SOCS5: variants seen among roughly 807,000 people sequenced by gnomAD.
The protein encoded by SOCS5 is CIS-6.
SOCS5 carries 32 observed loss-of-function variants against 42.8 expected under a neutral mutation model. That is an observed-to-expected ratio of 0.75 (90% CI 0.56 to 1.01). SOCS5 has a LOEUF of 1.01. SOCS5 is among the 50% of genes least tolerant of loss of function. SOCS5 has a pLI of 0.00. For synonymous variants in SOCS5, 283 were observed against 229.6 expected, an observed-to-expected ratio of 1.23 and a Z score of -2.10; for missense variants, 627 against 653.0, an observed-to-expected ratio of 0.96 and a Z score of 0.43.
intron 1 of SOCS5, among the ~76,000 whole-genome samples, chr2:46,721,183 G>T (rs777901285): frequency 2.1e-4 from 32 of 152,116 alleles, no homozygotes; most frequent in Admixed American, 7.9e-4. Context: ...CCATGGAAGA[G>T]ATTTATATGG....
chr2:46,739,585 T>C (rs767861884), intron 1 of SOCS5, among the ~76,000 whole-genome samples: 2 of 152,152 alleles, frequency 1.3e-5, no homozygotes, highest in Non-Finnish European at 2.9e-5. Context: ...AAATAGAATA[T>C]TGCCAGTGAA....
chr2:46,718,360 T>C (rs1475075027), intron 1 of SOCS5, among the ~76,000 whole-genome samples: 1 of 152,248 alleles, frequency 6.6e-6, no homozygotes, highest in African/African-American at 2.4e-5. Flanking sequence ...TTACAGTTTT[T>C]GGTATATTAT....
At chr2:46,734,073 G>A (rs1673188124) in intron 1 of SOCS5, among the ~76,000 whole-genome samples, 1 of 152,148 alleles carries the variant, frequency 6.6e-6, no homozygotes, top group Non-Finnish European at 1.5e-5. Context: ...ACTTTGGACA[G>A]TATAATTAAT....
intron 1 of SOCS5, among the ~76,000 whole-genome samples, chr2:46,712,174 C>T (rs1463194769): frequency 2.0e-5 from 3 of 152,082 alleles, no homozygotes. Context: ...AACATCTTAA[C>T]ATGAACATAA....
intron 1 of SOCS5, among the ~76,000 whole-genome samples, chr2:46,700,626 G>C (rs532198496): frequency 1.4e-4 from 21 of 152,174 alleles, no homozygotes; most frequent in African/African-American, 4.8e-4. Context: ...TAAGCTAGCA[G>C]CTCTATTAAG....
Position 46,760,348 on chromosome 2 carries a change from G to C in SOCS5, c.*207G>C, listed in dbSNP as rs1673838367. ...TAGCGGATAGAGCTACAGGTGTTCA[G>C]TAAGACTACAAAAACATTTTGCCTA... is the stretch of plus-strand genomic sequence containing the variant. On this transcript the variant is annotated 3_prime_UTR_variant, in exon 2 of 2. Transcript: ENST00000394861. The C allele has an allele frequency of 4.0e-6, 2 of 494,824 alleles. No individual in the cohort carries two copies. The highest frequency in any genetic ancestry group is 3.7e-5 in the Admixed American group (1 of 26,772). 30.7% of individuals were successfully genotyped at this position (494,824 alleles called of 1,614,324 possible).
At chr2:46,707,929 C>T (rs1672533972) in intron 1 of SOCS5, among the ~76,000 whole-genome samples, 1 of 152,148 alleles carries the variant, frequency 6.6e-6, no homozygotes, top group South Asian at 2.1e-4. Flanking sequence ...TATAGTTGGG[C>T]AAAATCATCT....
At chr2:46,720,248 C>T (rs1672849458) in intron 1 of SOCS5, among the ~76,000 whole-genome samples, 2 of 152,160 alleles carry the variant, frequency 1.3e-5, no homozygotes, top group African/African-American at 2.4e-5. Flanking sequence ...TTTTCTTGTA[C>T]ATCTGAATTT....
intron 1 of SOCS5, among the ~76,000 whole-genome samples, chr2:46,712,892 G>A (rs1412706725): frequency 6.6e-6 from 1 of 152,056 alleles, no homozygotes; most frequent in Non-Finnish European, 1.5e-5. Flanking sequence ...TGGTATCAGA[G>A]TTATGCTGAC....
rs187509439 is a variant in SOCS5, at chr2:46,740,203, C to T, written c.-12-18316C>T. 2.0e-5 allele frequency among the ~76,000 whole-genome samples: 3 copies of T among 152,272 alleles called. No homozygotes were observed. The East Asian group carries it at 5.8e-4, about 29-fold the overall frequency. On this transcript the variant is annotated intron_variant, in intron 1 of 1. Transcript: ENST00000394861. ...TGCTTTCAATCGTGAATGACCTTAC[C>T]TTACCTGGCCATAGGTGATTGGACT...
At chr2:46,755,633 G>T (rs1045588372) in intron 1 of SOCS5, among the ~76,000 whole-genome samples, 1 of 152,132 alleles carries the variant, frequency 6.6e-6, no homozygotes, top group Admixed American at 6.5e-5. Context: ...GATTGTAATG[G>T]ATGATAAACT....
intron 1 of SOCS5, among the ~76,000 whole-genome samples, chr2:46,722,693 C>T (rs1402174221): frequency 6.6e-6 from 1 of 152,072 alleles, no homozygotes; most frequent in African/African-American, 2.4e-5. Flanking sequence ...AGGATAAATA[C>T]CAAGGGTTGG....
rs75685144 is a variant in SOCS5, at chr2:46,734,559, A to G, written c.-12-23960A>G. ...CTAGCCATTACCGAAGTATACATTT[A>G]TCCATATTCTTCTCCCTTAACTCTC... On this transcript the variant is annotated intron_variant, in intron 1 of 1. Transcript: ENST00000394861. Among the ~76,000 whole-genome samples, 747 of 152,328 alleles carry G rather than the reference A, an allele frequency of 4.9e-3. 6 individuals carry two copies. The highest frequency in any genetic ancestry group is 0.017 in the African/African-American group (691 of 41,562).
At chr2:46,736,043 T>G (rs1673238219) in intron 1 of SOCS5, among the ~76,000 whole-genome samples, 2 of 139,790 alleles carry the variant, frequency 1.4e-5, no homozygotes, top group Admixed American at 1.5e-4. Flanking sequence ...TCTTTCCCCC[T>G]CTCTCCCTCC....
Position 46,758,890 on chromosome 2 carries a change from G to C in SOCS5, c.360G>C (p.Trp120Cys), listed in dbSNP as rs1196760197. ...RRDSYSRHAP[W>C]GGKKKHSCST... ...ATTCCTACTCTCGACATGCTCCATG[G>C]GGTGGGAAGAAAAAACATTCCTGTT... The change falls in exon 2 of 2, where the codon TGG becomes TGC. Residue 120 changes from tryptophan (W) to cysteine (C), a missense_variant. By Grantham distance (215) the Trp-to-Cys change is radical. This residue lies in a region of SOCS5 where 278 missense variants were observed against 246.3 expected (regional missense o/e 1.13). Coordinates refer to ENST00000394861, the MANE Select transcript of SOCS5 (RefSeq NM_144949.3). 1 of 1,614,024 alleles carries C rather than the reference G, an allele frequency of 6.2e-7. No individual in the cohort carries two copies. Among genetic ancestry groups the C allele is most frequent in the East Asian group, 2.2e-5 (1 of 44,876 alleles).
chr2:46,746,193 C>T (rs1338339758), intron 1 of SOCS5, among the ~76,000 whole-genome samples: 1 of 151,946 alleles, frequency 6.6e-6, no homozygotes, highest in Non-Finnish European at 1.5e-5. Flanking sequence ...TGTTAGGGGG[C>T]AGTGGAGATG....
At chr2:46,719,687 A>C (rs898404702) in intron 1 of SOCS5, among the ~76,000 whole-genome samples, 1 of 152,190 alleles carries the variant, frequency 6.6e-6, no homozygotes, top group Non-Finnish European at 1.5e-5. Context: ...TCAGCTCCAC[A>C]TATTTTGCTA....
chr2:46,703,632 C>G (rs909513491), intron 1 of SOCS5, among the ~76,000 whole-genome samples: 4 of 152,032 alleles, frequency 2.6e-5, no homozygotes, highest in African/African-American at 9.7e-5. Context: ...TTGGAGTTTT[C>G]TTTATACATT....
At chr2:46,744,241 C>T (rs979787100) in intron 1 of SOCS5, among the ~76,000 whole-genome samples, 25 of 152,274 alleles carry the variant, frequency 1.6e-4, no homozygotes, top group South Asian at 4.2e-4. Flanking sequence ...CCGCCTGCCT[C>T]GGCCTCCCAA....
Sources: allele counts gnomAD v4.1 joint callset (sites outside exome capture counted in the v4.1 genomes callset), GRCh38; gene constraint gnomAD v4.1.1; regional missense constraint gnomAD v4.1.1; transcripts MANE v1.5; gene names NCBI Gene and HGNC (gene_info 2026-07-23, HGNC 2026-07-21).